SLC6A2: variants seen among roughly 807,000 people sequenced by gnomAD.
SLC6A2 encodes the protein sodium-dependent noradrenaline transporter.
Under a neutral mutation model 71.7 loss-of-function variants are expected in SLC6A2, and 26 were observed. The ratio of observed to expected loss-of-function variants is 0.36; its 90% CI spans 0.27 to 0.50. The LOEUF (loss-of-function observed/expected upper bound fraction) is 0.50. Ranked by LOEUF, SLC6A2 falls within the 20% of genes least tolerant of loss-of-function variation. The pLI, the probability that SLC6A2 is intolerant of heterozygous loss-of-function variation, is 0.96. For missense variants in SLC6A2, 581 were observed against 803.9 expected (o/e 0.72, Z 3.35); for synonymous variants, 363 against 337.9 (o/e 1.07, Z -0.82).
At chr16:55,674,466 T>C (rs1409410329) in intron 4 of SLC6A2, among the ~76,000 whole-genome samples, 3 of 151,854 alleles carry the variant, frequency 2.0e-5, no homozygotes, top group Non-Finnish European at 1.5e-5. Context: ...TCTCTGTCAC[T>C]CAGGCTGGAG....
At chr16:55,665,294 T>TGAGC (rs1964719627) in intron 2 of SLC6A2, among the ~76,000 whole-genome samples, 1 of 152,204 alleles carries the variant, frequency 6.6e-6, no homozygotes, top group Admixed American at 6.5e-5. Flanking sequence ...TGTCGAAGTG[T>TGAGC]GAGCAGCCTT....
At chr16:55,699,422 T>C in intron 11 of SLC6A2, 132 bp from the exon 12 acceptor site, 2 of 737,986 alleles carry the variant, frequency 2.7e-6, no homozygotes, top group Non-Finnish European at 5.0e-6. Flanking sequence ...CATCCCCGAG[T>C]CTCCCTAGTT....
chr16:55,687,608 C>A (rs1049329364), intron 5 of SLC6A2, among the ~76,000 whole-genome samples: 2 of 152,326 alleles, frequency 1.3e-5, no homozygotes, highest in East Asian at 3.9e-4. Context: ...TTCTCCTGGC[C>A]TCTGCAGGCA....
At chr16:55,659,092 A>G (rs1463770557) in intron 2 of SLC6A2, among the ~76,000 whole-genome samples, 1 of 152,122 alleles carries the variant, frequency 6.6e-6, no homozygotes, top group Non-Finnish European at 1.5e-5. Flanking sequence ...GTCATTAATC[A>G]GTAATATTTT....
rs201384450 is a variant in SLC6A2, at chr16:55,671,909, C to T, written c.407-29C>T. 2.1e-5 allele frequency: 34 copies of T among 1,613,784 alleles called. No individual in the cohort carries two copies. The Admixed American group carries it at 5.2e-4, about 25-fold the overall frequency. On this transcript the variant is annotated intron_variant, in intron 3 of 14. Transcript: ENST00000568943. ...TGGCTGTGGGGCTGGGCCTGGGAGA[C>T]TCCTACCTTACCCCCTGTCCCTGCC...
intron 4 of SLC6A2, among the ~76,000 whole-genome samples, chr16:55,676,663 G>T (rs16955584): frequency 0.051 from 7,754 of 152,302 alleles, 212 homozygotes; most frequent in African/African-American, 0.07. Context: ...CAGAAATATT[G>T]TCATGGTCAC....
chr16:55,659,925 C>G (rs113553309), intron 2 of SLC6A2, among the ~76,000 whole-genome samples: 2 of 152,140 alleles, frequency 1.3e-5, no homozygotes, highest in Admixed American at 6.5e-5. Context: ...GTTGTGGGGA[C>G]CAAACATAAT....
rs143341150 is a variant in SLC6A2 at position 55,689,156 on chromosome 16, A to G, written c.784-2762A>G. Reference sequence around the variant, plus strand: ...CCTGGGGTGGAGATGACAGAGCCCAAGCCTTTCTTCTGTTTACCCATTGTG... The same window carrying G: ...CCTGGGGTGGAGATGACAGAGCCCAGGCCTTTCTTCTGTTTACCCATTGTG... On this transcript the variant is annotated intron_variant, in intron 5 of 14. Transcript: ENST00000568943. Among the ~76,000 whole-genome samples the G allele has an allele frequency of 4.3e-4, 65 of 152,314 alleles. 1 individual carries two copies. The highest frequency in any genetic ancestry group is 3.4e-3 in the Middle Eastern group (1 of 294).
At chr16:55,694,390 A>T (rs1477939451) in intron 7 of SLC6A2, among the ~76,000 whole-genome samples, 1 of 152,142 alleles carries the variant, frequency 6.6e-6, no homozygotes, top group East Asian at 1.9e-4. Flanking sequence ...ACAGAGGAGA[A>T]CTGTGAAGAT....
At position 55,700,143 on chromosome 16, in the gene SLC6A2, T is replaced by A. The variant is rs1271331989; in HGVS notation, c.1595T>A (p.Val532Glu). The A allele has an allele frequency of 6.2e-7, 1 of 1,613,978 alleles. No homozygotes were observed. The highest frequency in any genetic ancestry group is 1.1e-5 in the South Asian group (1 of 91,068). ...CCCTTCTCTGCCCATCTCTAGTTCG[T>A]GGTTGTGGTCAGCATCATCAACTTC... ...KFVSPAFLLFVVVVSIINFKP... is the reference protein window; with the variant it reads ...KFVSPAFLLFEVVVSIINFKP... Residue 532 changes from valine to glutamate, a missense_variant, in exon 13 of 15, where the codon GTG becomes GAG. Val to Glu is a moderately radical substitution (Grantham distance 121). Transcript: ENST00000568943.
At chr16:55,674,230 C>T (rs1965011795) in intron 4 of SLC6A2, among the ~76,000 whole-genome samples, 1 of 151,946 alleles carries the variant, frequency 6.6e-6, no homozygotes, top group South Asian at 2.1e-4. Flanking sequence ...CTGTTCCTTT[C>T]TTTATGTCCA....
At chr16:55,658,297 A>G (rs1305020770) in intron 2 of SLC6A2, among the ~76,000 whole-genome samples, 1 of 152,124 alleles carries the variant, frequency 6.6e-6, no homozygotes, top group African/African-American at 2.4e-5. Context: ...AGATTGCCTG[A>G]GCTCAGGAGT....
In SLC6A2 at chr16:55,672,158, G is replaced by A. The variant is rs369933850; in HGVS notation, c.627G>A (p.Pro209=). Reference sequence around the variant, plus strand: ...AGTACTCCAAGTACAAGTTCACGCCGGCAGCCGAGTTTTATGAGTAAGTCA... The same window carrying A: ...AGTACTCCAAGTACAAGTTCACGCCAGCAGCCGAGTTTTATGAGTAAGTCA... ...HTKYSKYKFT[P]AAEFYERGVL... Residue 209 remains proline (P), a synonymous_variant, in exon 4 of 15, where the codon CCG becomes CCA. Transcript: ENST00000568943. The A allele has an allele frequency of 2.8e-5, 45 of 1,614,174 alleles. No homozygotes were observed. Among genetic ancestry groups the A allele is most frequent in the Non-Finnish European group, 3.4e-5 (40 of 1,180,030 alleles).
chr16:55,695,128 G>T, intron 7 of SLC6A2, 150 bp from the exon 8 acceptor site: 1 of 839,406 alleles, frequency 1.2e-6, no homozygotes, highest in Non-Finnish European at 2.0e-6. Context: ...GTGATGGTGA[G>T]GCCCTGTATC....
chr16:55,671,871 A>T (rs1247873618), intron 3 of SLC6A2, 67 bp from the exon 4 acceptor site: 2 of 1,609,166 alleles, frequency 1.2e-6, no homozygotes, highest in Non-Finnish European at 1.7e-6. Flanking sequence ...GTGGAGCCAC[A>T]CCCAAGGAGA....
chr16:55,697,633 AG>A (rs1312359178), intron 9 of SLC6A2, among the ~76,000 whole-genome samples: 2 of 152,076 alleles, frequency 1.3e-5, no homozygotes, highest in African/African-American at 4.8e-5. Flanking sequence ...GAGTGTCAGG[AG>A]ACAGGTAGCT....
At chr16:55,679,167 A>G (rs923306133) in intron 4 of SLC6A2, among the ~76,000 whole-genome samples, 6 of 152,190 alleles carry the variant, frequency 3.9e-5, no homozygotes, top group African/African-American at 1.4e-4. Flanking sequence ...ATAAAGGCAC[A>G]GGAAGAAGCG....
intron 7 of SLC6A2, among the ~76,000 whole-genome samples, chr16:55,694,833 G>T (rs1216120315): frequency 2.6e-5 from 4 of 152,162 alleles, no homozygotes; most frequent in South Asian, 2.1e-4. Flanking sequence ...TGCATGCACT[G>T]GGGGGAGAAG....
At chr16:55,700,342 AG>A in intron 13 of SLC6A2, 36 bp downstream of exon 13, 1 of 886,586 alleles carries the variant, frequency 1.1e-6, no homozygotes, top group Non-Finnish European at 1.7e-6. Context: ...ACAGGGTGGG[AG>A]GGGGCTGAGG....
Sources: gnomAD v4.1 joint callset for allele counts (sites outside exome capture counted in the v4.1 genomes callset) on GRCh38, gnomAD v4.1.1 for gene constraint, MANE v1.5 for transcripts, NCBI Gene and HGNC (gene_info 2026-07-23, HGNC 2026-07-21) for gene names.